The following TAF15 variants were observed in gnomAD, a reference collection of about 807,000 sequenced individuals.
The protein encoded by TAF15 is TATA-binding protein-associated factor 2N.
A neutral mutation model predicts 102.5 loss-of-function variants in TAF15; 37 were observed. The ratio of observed to expected loss-of-function variants is 0.36; its 90% CI spans 0.28 to 0.47. The LOEUF (loss-of-function observed/expected upper bound fraction) is 0.47, where lower values mean the gene tolerates loss of function less well. TAF15 is among the 20% of genes least tolerant of loss of function. The probability of loss-of-function intolerance (pLI) is 0.99; values close to 1 mark genes in which losing one functional copy is unlikely to be tolerated. For synonymous variants in TAF15, 273 were observed against 259.2 expected (o/e 1.05, Z -0.51); for missense variants, 652 against 760.7 (o/e 0.86, Z 1.68).
chr17:35,828,006 T>C (rs1470124433), intron 7 of TAF15, among the ~76,000 whole-genome samples: 1 of 152,216 alleles, frequency 6.6e-6, no homozygotes, highest in South Asian at 2.1e-4. Context: ...GCATAAATTC[T>C]CCCAGTGATT....
chr17:35,822,894 C>G lies in TAF15; in HGVS notation c.484+61C>G, dbSNP rs1348329702. 3 of 1,592,724 alleles carry G rather than the reference C, an allele frequency of 1.9e-6. No individual in the cohort carries two copies. The African/African-American group carries it at 4.0e-5, about 21-fold the overall frequency. ...CTCTCAGAATTATTTGTATGAATTT[C>G]TGATTAAAAGAACCACAGAGGATTT... On this transcript the variant is annotated intron_variant, in intron 6 of 15. Transcript: ENST00000605844.
chr17:35,837,803 G>T (rs2087494487), intron 10 of TAF15, among the ~76,000 whole-genome samples: 1 of 151,934 alleles, frequency 6.6e-6, no homozygotes. Context: ...CTCCAGCCTG[G>T]GCAACAGAGC....
In TAF15 at chr17:35,832,306, A is replaced by AT. The variant is rs1210592832; in HGVS notation, c.606-1599dup. Among the ~76,000 whole-genome samples, 3 of 152,184 alleles carry AT rather than the reference A, an allele frequency of 2.0e-5. No homozygotes were observed. In the East Asian group the frequency reaches 5.8e-4, roughly 29 times the overall value. On this transcript the variant is annotated intron_variant, in intron 7 of 15. Coordinates refer to ENST00000605844, the MANE Select transcript of TAF15 (RefSeq NM_139215.3). ...AGGGCCTGAGTTTCATATTGTCTAT[A>AT]TTGCCTTGAAATAGCCTTAGTCTCC...
At chr17:35,832,779 AG>A (rs1189453404) in intron 7 of TAF15, among the ~76,000 whole-genome samples, 3 of 152,180 alleles carry the variant, frequency 2.0e-5, no homozygotes, top group Non-Finnish European at 2.9e-5. Context: ...GTATTTAAAG[AG>A]TTTCTTGATA....
chr17:35,824,018 G>C, intron 6 of TAF15, 60 bp from the exon 7 acceptor site: 2 of 1,611,966 alleles, frequency 1.2e-6, no homozygotes, highest in Non-Finnish European at 1.7e-6. Flanking sequence ...ATTTAACATT[G>C]TTATTTGAAG....
In TAF15 at chr17:35,820,316, C is replaced by G. The variant is rs147370557; in HGVS notation, c.185-16C>G. The G allele has an allele frequency of 6.2e-7, 1 of 1,613,080 alleles. No homozygotes were observed. On this transcript the variant is annotated splice_polypyrimidine_tract_variant and intron_variant, in intron 4 of 15. Transcript: ENST00000605844. ...ATCAGAGCCTTCACTAAATGATATA[C>G]TCATCTAATCTTTAGGTTATTCACA...
At chr17:35,814,256 C>G (rs774938327) in intron 1 of TAF15, among the ~76,000 whole-genome samples, 8 of 151,804 alleles carry the variant, frequency 5.3e-5, no homozygotes, top group Non-Finnish European at 7.4e-5. Flanking sequence ...AGCTCCGCCT[C>G]CTGGGTTCAC....
Position 35,828,593 on chromosome 17 carries a change from CTG to C in TAF15, c.605+4398_605+4399del, listed in dbSNP as rs1383375449. 5.3e-5 allele frequency among the ~76,000 whole-genome samples: 8 copies of C among 151,980 alleles called. No homozygotes were observed. In the South Asian group the frequency reaches 1.5e-3, roughly 28 times the overall value. ...TAAAAATGAAAAAATTAGCTGGCCA[CTG>C]TGGCACACGCCTGTAGTCCCAGCTA... On this transcript the variant is annotated intron_variant, in intron 7 of 15. Coordinates refer to ENST00000605844, the MANE Select transcript of TAF15 (RefSeq NM_139215.3).
At position 35,822,772 on chromosome 17, in the gene TAF15, C is replaced by G; in HGVS notation, c.423C>G (p.Ser141=). ...EQSNYDQQHD[S]YSQNQQSYHS... ...CAAATTATGATCAGCAGCATGATTCCTATAGTCAAAACCAGCAGTCCTATC... is the reference window on the plus strand; with the variant it reads ...CAAATTATGATCAGCAGCATGATTCGTATAGTCAAAACCAGCAGTCCTATC... The change falls in exon 6 of 16, where the codon TCC becomes TCG. Residue 141 remains serine, a synonymous_variant. Transcript: ENST00000605844. The G allele has an allele frequency of 6.2e-7, 1 of 1,614,130 alleles. No homozygotes were observed. Among genetic ancestry groups the G allele is most frequent in the Non-Finnish European group, 8.5e-7 (1 of 1,180,022 alleles).
Position 35,809,496 on chromosome 17 carries a change from G to A in TAF15, c.-74G>A. On this transcript the variant is annotated 5_prime_UTR_variant, in exon 1 of 16. Coordinates refer to ENST00000605844, the MANE Select transcript of TAF15 (RefSeq NM_139215.3). ...CCGCGCCGCCCTCAGTACAGCTCCG[G>A]CCGCCGCGCCGCCTGGCTTTCGTAT... 2.5e-6 allele frequency: 4 copies of A among 1,604,832 alleles called. No homozygotes were observed. The highest frequency in any genetic ancestry group is 3.4e-6 in the Non-Finnish European group (4 of 1,176,426).
At chr17:35,822,896 GA>G in intron 6 of TAF15, 63 bp downstream of exon 6, 2 of 1,589,132 alleles carry the variant, frequency 1.3e-6, no homozygotes, top group Non-Finnish European at 1.7e-6. Context: ...ATGAATTTCT[GA>G]TTAAAAGAAC....
intron 9 of TAF15, among the ~76,000 whole-genome samples, chr17:35,834,895 G>A (rs1216638135): frequency 2.6e-5 from 4 of 151,874 alleles, no homozygotes; most frequent in East Asian, 1.9e-4. Flanking sequence ...ACAGGTGCGC[G>A]CCACCATGCC....
chr17:35,843,549 T>A (rs4251776), intron 12 of TAF15, among the ~76,000 whole-genome samples: 13,884 of 152,226 alleles, frequency 0.091, 957 homozygotes, highest in African/African-American at 0.19. Context: ...TCACCTAATC[T>A]TCTTCATGGA....
chr17:35,822,602 T>C (rs1568253095), intron 5 of TAF15, 38 bp from the exon 6 acceptor site: 15 of 1,593,132 alleles, frequency 9.4e-6, no homozygotes, highest in Non-Finnish European at 1.1e-5. Flanking sequence ...AAATGTAATC[T>C]TCCTATGAAG....
intron 15 of TAF15, among the ~76,000 whole-genome samples, chr17:35,845,905 A>G (rs919664557): frequency 2.0e-5 from 3 of 152,234 alleles, no homozygotes; most frequent in Non-Finnish European, 4.4e-5. Context: ...GTAAATCAAG[A>G]GTTCCTAATC....
At chr17:35,826,658 A>C (rs1244567616) in intron 7 of TAF15, among the ~76,000 whole-genome samples, 1 of 151,578 alleles carries the variant, frequency 6.6e-6, no homozygotes, top group Non-Finnish European at 1.5e-5. Context: ...CCCAGGTTCA[A>C]ACAGTTCTCC....
At chr17:35,815,590 A>G (rs1355684908) in intron 1 of TAF15, among the ~76,000 whole-genome samples, 2 of 152,208 alleles carry the variant, frequency 1.3e-5, no homozygotes, top group African/African-American at 4.8e-5. Flanking sequence ...GCCTGAACCT[A>G]AAGAAAATAT....
chr17:35,830,711 C>T (rs1025547387), intron 7 of TAF15, among the ~76,000 whole-genome samples: 13 of 152,118 alleles, frequency 8.5e-5, no homozygotes, highest in Non-Finnish European at 1.6e-4. Context: ...AATTACAGAT[C>T]ATCTAGATCA....
intron 11 of TAF15, among the ~76,000 whole-genome samples, chr17:35,841,121 CA>C (rs773504216): frequency 6.6e-5 from 10 of 152,264 alleles, no homozygotes; most frequent in Admixed American, 4.6e-4. Flanking sequence ...CAAATCTTGC[CA>C]ATTCTTATTT....
Sources: gnomAD v4.1 joint callset for allele counts (sites outside exome capture counted in the v4.1 genomes callset) on GRCh38, gnomAD v4.1.1 for gene constraint, MANE v1.5 for transcripts, NCBI Gene and HGNC (gene_info 2026-07-23, HGNC 2026-07-21) for gene names.